The following SLC7A7 variants were observed in gnomAD, a reference collection of about 807,000 sequenced individuals.
SLC7A7 encodes solute carrier family 7 member 7, also known as Y+L amino acid transporter 1.
In SLC7A7, 39 loss-of-function variants were observed where a neutral mutation model predicts 47.9. The observed-to-expected ratio is 0.81, with a 90% CI of 0.63 to 1.06. The LOEUF is 1.06. Among genes scored for constraint, SLC7A7 ranks in the 50% least tolerant of loss-of-function variants. The pLI, the probability that SLC7A7 is intolerant of heterozygous loss-of-function variation, is 0.00. For synonymous variants in SLC7A7, 234 were observed against 242.8 expected (o/e 0.96, Z 0.34); for missense variants, 588 against 632.0 (o/e 0.93, Z 0.75).
At chr14:22,776,948 G>C (rs893352227) in intron 4 of SLC7A7, among the ~76,000 whole-genome samples, 1 of 147,984 alleles carries the variant, frequency 6.8e-6, no homozygotes, top group African/African-American at 2.5e-5. Context: ...CAGCATGGGC[G>C]ACAGAGCGAG....
chr14:22,787,784 A>C (rs1233033919), intron 2 of SLC7A7, among the ~76,000 whole-genome samples: 3 of 149,626 alleles, frequency 2.0e-5, no homozygotes, highest in Non-Finnish European at 1.5e-5. Context: ...AAAAAAATTA[A>C]AATGTTAGGC....
At chr14:22,789,644 A>G (rs967493330) in intron 2 of SLC7A7, among the ~76,000 whole-genome samples, 9 of 133,800 alleles carry the variant, frequency 6.7e-5, no homozygotes, top group Non-Finnish European at 8.3e-5. Flanking sequence ...AAAAAAAAAA[A>G]AGAAAAAAGT....
intron 2 of SLC7A7, among the ~76,000 whole-genome samples, chr14:22,801,491 C>T (rs8008775): frequency 0.76 from 115,983 of 152,000 alleles, 45,524 homozygotes; most frequent in Non-Finnish European, 0.86. Flanking sequence ...CCATTAAAAC[C>T]CTGTATCAGA....
At chr14:22,807,629 T>C (rs1464288952) in intron 2 of SLC7A7, among the ~76,000 whole-genome samples, 2 of 152,084 alleles carry the variant, frequency 1.3e-5, no homozygotes, top group African/African-American at 4.8e-5. Context: ...AACCTGATTA[T>C]AAAACCCATC....
At chr14:22,789,517 A>G (rs559525960) in intron 2 of SLC7A7, among the ~76,000 whole-genome samples, 179 of 151,862 alleles carry the variant, frequency 1.2e-3, no homozygotes, top group African/African-American at 4.2e-3. Flanking sequence ...AATCCCAGCT[A>G]CTCAGGAGGC....
Position 22,813,172 on chromosome 14 carries a change from C to A in SLC7A7, c.227G>T (p.Trp76Leu), listed in dbSNP as rs1214135573. ...SASFGLSLVIWAVGGLFSVFG... is the reference protein window; with the variant it reads ...SASFGLSLVILAVGGLFSVFG... Reference sequence around the variant, plus strand: ...GACGGAGAAGAGGCCCCCGACAGCCCAGATGACCAGAGAGAGACCAAAGGA... The same window carrying A: ...GACGGAGAAGAGGCCCCCGACAGCCAAGATGACCAGAGAGAGACCAAAGGA... Residue 76 changes from tryptophan (W) to leucine (L), a missense_variant, in exon 2 of 10, where the codon TGG (tryptophan) becomes TTG (leucine). By Grantham distance (61) the Trp-to-Leu change is moderately conservative. Transcript: ENST00000674313. The A allele has an allele frequency of 6.2e-7, 1 of 1,614,064 alleles. No individual in the cohort carries two copies. Among genetic ancestry groups the A allele is most frequent in the African/African-American group, 1.3e-5 (1 of 74,910 alleles).
chr14:22,774,168 C>G, intron 8 of SLC7A7, 52 bp from the exon 9 acceptor site: 1 of 1,604,928 alleles, frequency 6.2e-7, no homozygotes. Flanking sequence ...TTCTTAACAG[C>G]TAAAATAACC....
At chr14:22,782,392 C>T (rs931765787) in intron 2 of SLC7A7, among the ~76,000 whole-genome samples, 2 of 149,684 alleles carry the variant, frequency 1.3e-5, no homozygotes, top group African/African-American at 2.5e-5. Flanking sequence ...CATGAGCCAC[C>T]GCGCCCGGCC....
chr14:22,782,039 C>T (rs1189714414), intron 2 of SLC7A7, among the ~76,000 whole-genome samples: 1 of 152,184 alleles, frequency 6.6e-6, no homozygotes, highest in East Asian at 1.9e-4. Flanking sequence ...ACCAATTCAC[C>T]ACCTGCTACC....
chr14:22,815,439 G>C (rs1057523639), upstream of SLC7A7: 2 of 454,520 alleles, frequency 4.4e-6, no homozygotes, highest in African/African-American at 2.0e-5. Context: ...AAAAGGGAAG[G>C]CCAGACAAAT....
At chr14:22,776,435 A>C (rs1256532323) in intron 4 of SLC7A7, 117 bp from the exon 5 acceptor site, 1 of 1,323,160 alleles carries the variant, frequency 7.6e-7, no homozygotes, top group African/African-American at 1.4e-5. Flanking sequence ...CTGTTGCTAC[A>C]TTTCCTCAAT....
intron 2 of SLC7A7, among the ~76,000 whole-genome samples, chr14:22,786,317 A>AAGAC (rs2038816755): frequency 6.6e-6 from 1 of 151,454 alleles, no homozygotes; most frequent in Admixed American, 6.6e-5. Flanking sequence ...ACTCCATCTA[A>AAGAC]AAACAAACAA....
At chr14:22,789,531 G>C (rs2038886438) in intron 2 of SLC7A7, among the ~76,000 whole-genome samples, 1 of 151,880 alleles carries the variant, frequency 6.6e-6, no homozygotes, top group Non-Finnish European at 1.5e-5. Context: ...AGGAGGCTGA[G>C]GCAGGAGAAT....
chr14:22,775,332 GT>G, intron 7 of SLC7A7, 111 bp downstream of exon 7: 1 of 919,220 alleles, frequency 1.1e-6, no homozygotes, highest in Non-Finnish European at 1.8e-6. Context: ...TCCACCAATA[GT>G]TTTTCTATTG....
intron 2 of SLC7A7, among the ~76,000 whole-genome samples, chr14:22,807,252 C>A (rs1159068046): frequency 6.6e-6 from 1 of 152,158 alleles, no homozygotes; most frequent in Non-Finnish European, 1.5e-5. Flanking sequence ...CTCCACAGTG[C>A]AGATATTCAT....
intron 2 of SLC7A7, among the ~76,000 whole-genome samples, chr14:22,793,849 C>T (rs541765092): frequency 6.6e-6 from 1 of 151,964 alleles, no homozygotes; most frequent in South Asian, 2.1e-4. Context: ...TTAGGAGTCA[C>T]GCAGCTGGAA....
At chr14:22,800,222 T>TTTAAGAG (rs1192213035) in intron 2 of SLC7A7, among the ~76,000 whole-genome samples, 6 of 152,224 alleles carry the variant, frequency 3.9e-5, no homozygotes, top group African/African-American at 1.4e-4. Flanking sequence ...ACTCTTCTGC[T>TTTAAGAG]TTTAAAGGCC....
chr14:22,818,580 TTGG>T (rs1209689475), upstream of SLC7A7, among the ~76,000 whole-genome samples: 2 of 115,428 alleles, frequency 1.7e-5, no homozygotes, highest in Non-Finnish European at 3.5e-5. Context: ...CCCCAGGTTT[TTGG>T]TTTTTTTTTT....
rs1443786691 is a variant in SLC7A7 at position 22,775,918 on chromosome 14, A to G, written c.913T>C (p.Phe305Leu). Residue 305 changes from phenylalanine (F) to leucine (L), a missense_variant, in exon 6 of 10, where the codon TTT becomes CTT. Transcript: ENST00000674313. Reference sequence around the variant, plus strand: ...GGAATTATCCAGTTAAATATTCCAAATATCTGATCTGCAAAAGTCTAAGGG... The same window carrying G: ...GGAATTATCCAGTTAAATATTCCAAGTATCTGATCTGCAAAAGTCTAAGGG... ...AVAVTFADQI[F>L]GIFNWIIPLS... 2.5e-6 allele frequency: 4 copies of G among 1,613,760 alleles called. No individual in the cohort carries two copies. The East Asian group carries it at 8.9e-5, about 36-fold the overall frequency.
Sources: gnomAD v4.1 joint callset for allele counts (sites outside exome capture counted in the v4.1 genomes callset) on GRCh38, gnomAD v4.1.1 for gene constraint, MANE v1.5 for transcripts, NCBI Gene and HGNC (gene_info 2026-07-23, HGNC 2026-07-21) for gene names.